Variants in DGKH observed in about 807,000 individuals in gnomAD.
The protein encoded by DGKH is DAG kinase eta.
DGKH carries 90 observed loss-of-function variants against 159.3 expected under a neutral mutation model. The ratio of observed to expected loss-of-function variants is 0.57; its 90% CI spans 0.48 to 0.67. DGKH has a LOEUF of 0.67. DGKH is among the 30% of genes least tolerant of loss of function. DGKH has a pLI of 0.00. For synonymous variants in DGKH, 536 were observed against 553.8 expected, an observed-to-expected ratio of 0.97 and a Z score of 0.45; for missense variants, 1,181 against 1,506.1, an observed-to-expected ratio of 0.78 and a Z score of 3.57.
intron 1 of DGKH, among the ~76,000 whole-genome samples, chr13:42,091,760 A>C (rs1413895008): frequency 2.0e-5 from 3 of 152,216 alleles, no homozygotes; most frequent in African/African-American, 7.2e-5. Context: ...AAAATGGGCA[A>C]AATACTTGAA....
chr13:42,250,556 G>T (rs909782904), intron 29 of DGKH, among the ~76,000 whole-genome samples: 2 of 152,130 alleles, frequency 1.3e-5, no homozygotes, highest in African/African-American at 4.8e-5. Context: ...TAATGTTGAA[G>T]AACCTGGGTC....
chr13:42,056,870 C>T (rs911949384), intron 1 of DGKH, among the ~76,000 whole-genome samples: 9 of 152,148 alleles, frequency 5.9e-5, no homozygotes, highest in Admixed American at 5.2e-4. Context: ...CTTATTTCCC[C>T]CTTCTTCCTG....
intron 11 of DGKH, among the ~76,000 whole-genome samples, chr13:42,173,070 C>G (rs1212332648): frequency 6.6e-6 from 1 of 152,156 alleles, no homozygotes; most frequent in African/African-American, 2.4e-5. Context: ...CTCCCAGGCT[C>G]AAGTGATCCT....
chr13:42,169,459 C>T (rs767143977), intron 11 of DGKH, among the ~76,000 whole-genome samples: 2 of 152,124 alleles, frequency 1.3e-5, no homozygotes, highest in African/African-American at 4.8e-5. Flanking sequence ...TGTGTGTACC[C>T]TGCGTGTTAT....
intron 3 of DGKH, among the ~76,000 whole-genome samples, chr13:42,154,176 T>G (rs972152008): frequency 1.3e-5 from 2 of 152,240 alleles, no homozygotes; most frequent in Non-Finnish European, 2.9e-5. Flanking sequence ...ATCTGCTCTA[T>G]AATCCAATGT....
rs1165723464 is a variant in DGKH at position 42,113,457 on chromosome 13, A to G, written c.193-14006A>G. The stretch of plus-strand genomic sequence containing the variant: ...GACTTTAGAGCAACTGGCTTATTTA[A>G]TAGAGCTTAGTGTCATGTATGTATC... On this transcript the variant is annotated intron_variant, in intron 1 of 29. Coordinates refer to ENST00000337343, the MANE Select transcript of DGKH (RefSeq NM_178009.5). Among the ~76,000 whole-genome samples the G allele has an allele frequency of 2.0e-5, 3 of 152,224 alleles. No individual in the cohort carries two copies. The East Asian group carries it at 5.8e-4, about 29-fold the overall frequency.
chr13:42,041,369 G>C (rs1880494000), intron 1 of DGKH, among the ~76,000 whole-genome samples: 2 of 152,132 alleles, frequency 1.3e-5, no homozygotes, highest in African/African-American at 4.8e-5. Context: ...TGGAGAGGCT[G>C]AGCGCGGCGC....
chr13:42,081,674 T>G (rs527856263), intron 1 of DGKH, among the ~76,000 whole-genome samples: 2 of 152,366 alleles, frequency 1.3e-5, no homozygotes, highest in African/African-American at 2.4e-5. Context: ...AGGAGCCACC[T>G]CAGGCTGTTT....
chr13:42,215,484 TTTAAA>T, intron 25 of DGKH, 86 bp from the exon 26 acceptor site: 1 of 1,024,572 alleles, frequency 9.8e-7, no homozygotes. Flanking sequence ...GTGCTGTGAA[TTTAAA>T]TTATAAGAAT....
chr13:42,182,182 G>A (rs1956783663), intron 13 of DGKH, among the ~76,000 whole-genome samples: 1 of 152,238 alleles, frequency 6.6e-6, no homozygotes, highest in South Asian at 2.1e-4. Context: ...GTGCAGCTTT[G>A]ACTTCCATGT....
intron 14 of DGKH, 58 bp downstream of exon 14, chr13:42,187,206 T>C: frequency 7.0e-7 from 1 of 1,420,118 alleles, no homozygotes; most frequent in Non-Finnish European, 9.9e-7. Flanking sequence ...CACATTCAAC[T>C]GTGTTTCAAA....
At chr13:42,092,773 G>A (rs9532995) in intron 1 of DGKH, among the ~76,000 whole-genome samples, 21,600 of 152,134 alleles carry the variant, frequency 0.14, 1,704 homozygotes, top group South Asian at 0.18. Flanking sequence ...CAAAGAAAAG[G>A]TAAATGTTTA....
chr13:42,202,446 C>T (rs116933860), intron 20 of DGKH, among the ~76,000 whole-genome samples: 1,526 of 152,208 alleles, frequency 0.01, 8 homozygotes, highest in Non-Finnish European at 0.014. Flanking sequence ...TTTCCCTCCC[C>T]GTTATGTTGT....
chr13:42,197,812 G>A (rs559313898), intron 17 of DGKH, among the ~76,000 whole-genome samples: 3 of 152,232 alleles, frequency 2.0e-5, no homozygotes, highest in Non-Finnish European at 4.4e-5. Context: ...CCAGTCTTTA[G>A]TGCTTCTAGC....
chr13:42,093,875 G>T (rs1392723721), intron 1 of DGKH, among the ~76,000 whole-genome samples: 1 of 152,026 alleles, frequency 6.6e-6, no homozygotes, highest in East Asian at 1.9e-4. Flanking sequence ...GTGGGGAGTT[G>T]TTCCATGGGT....
At chr13:42,212,313 T>TA (rs541357449) in intron 24 of DGKH, among the ~76,000 whole-genome samples, 6 of 152,144 alleles carry the variant, frequency 3.9e-5, no homozygotes, top group Non-Finnish European at 7.4e-5. Context: ...AATCAAGTCT[T>TA]ACAACTGCAA....
At chr13:42,099,332 G>T (rs1954608889) in intron 1 of DGKH, among the ~76,000 whole-genome samples, 1 of 152,184 alleles carries the variant, frequency 6.6e-6, no homozygotes, top group African/African-American at 2.4e-5. Context: ...TGTGTCAGAT[G>T]TTGTGCAGAG....
intron 28 of DGKH, 26 bp downstream of exon 28, chr13:42,219,820 A>G: frequency 1.9e-6 from 3 of 1,590,412 alleles, no homozygotes; most frequent in Non-Finnish European, 2.6e-6. Context: ...GGAAGGGGAA[A>G]TATAACATTA....
intron 20 of DGKH, among the ~76,000 whole-genome samples, chr13:42,202,360 G>A (rs191615596): frequency 6.6e-6 from 1 of 152,188 alleles, no homozygotes; most frequent in East Asian, 1.9e-4. Context: ...ACCTTGGGAG[G>A]CTCTTTCCAG....
Sources: allele counts gnomAD v4.1 joint callset (sites outside exome capture counted in the v4.1 genomes callset), GRCh38; gene constraint gnomAD v4.1.1; transcripts MANE v1.5; gene names NCBI Gene and HGNC (gene_info 2026-07-23, HGNC 2026-07-21).